Variants in CNBD2 observed in about 807,000 individuals in gnomAD.
CNBD2 encodes cyclic nucleotide-binding domain-containing protein 2.
In CNBD2, 64 loss-of-function variants were observed where a neutral mutation model predicts 63.7. That is an observed-to-expected ratio of 1.00 (90% CI 0.82 to 1.24). The LOEUF is 1.24. Among genes scored for constraint, CNBD2 ranks in the 50% most tolerant of loss-of-function variants. The pLI is 0.00. For missense variants in CNBD2, 691 were observed against 713.5 expected, an observed-to-expected ratio of 0.97 and a Z score of 0.36; for synonymous variants, 229 against 255.4, an observed-to-expected ratio of 0.90 and a Z score of 0.99.
At chr20:36,003,973 C>T (rs1251855549) in intron 8 of CNBD2, among the ~76,000 whole-genome samples, 1 of 152,124 alleles carries the variant, frequency 6.6e-6, no homozygotes, top group Non-Finnish European at 1.5e-5. Flanking sequence ...GGCTAACTCA[C>T]GTGGCTATTG....
intron 8 of CNBD2, among the ~76,000 whole-genome samples, chr20:35,999,849 G>T (rs2147287964): frequency 6.6e-6 from 1 of 151,716 alleles, no homozygotes; most frequent in South Asian, 2.1e-4. Context: ...AGCTAATTTT[G>T]TGTATTTTTA....
intron 7 of CNBD2, among the ~76,000 whole-genome samples, chr20:35,989,224 T>C (rs2056709457): frequency 6.6e-6 from 1 of 152,236 alleles, no homozygotes; most frequent in Admixed American, 6.5e-5. Flanking sequence ...AAAGATATTT[T>C]CAAGAACTTG....
chr20:36,001,981 T>G (rs1461925164), intron 8 of CNBD2, among the ~76,000 whole-genome samples: 1 of 148,698 alleles, frequency 6.7e-6, no homozygotes, highest in South Asian at 2.2e-4. Context: ...CGCTCCTCAC[T>G]TCCCAGACGG....
intron 8 of CNBD2, among the ~76,000 whole-genome samples, chr20:36,002,243 G>C (rs1311989879): frequency 6.6e-6 from 1 of 151,964 alleles, no homozygotes; most frequent in Non-Finnish European, 1.5e-5. Flanking sequence ...AAAAAAATAC[G>C]AAAACCAGTC....
chr20:35,966,170 G>C (rs1401686437), upstream of CNBD2, among the ~76,000 whole-genome samples: 1 of 152,132 alleles, frequency 6.6e-6, no homozygotes, highest in African/African-American at 2.4e-5. Flanking sequence ...AGTGGGGGAG[G>C]CAAAAACTCC....
Position 35,968,775 on chromosome 20 carries a change from A to T in CNBD2, c.13A>T (p.Met5Leu), listed in dbSNP as rs780350079. The T allele has an allele frequency of 3.8e-5, 61 of 1,608,992 alleles. No homozygotes were observed. The East Asian group carries it at 1.3e-3, about 34-fold the overall frequency. The change falls in exon 1 of 12, where the codon ATG becomes TTG. Residue 5 changes from methionine to leucine, a missense_variant. Coordinates refer to ENST00000373973, the MANE Select transcript of CNBD2 (RefSeq NM_001365709.1). ...CTGCACAGGAACCATGAGGAGACAT[A>T]TGGTAACTTATGCCTGGCAGCTCCT... MRRH[M>L]VTYAWQLLKK...
chr20:36,016,080 G>A (rs891800556), intron 10 of CNBD2, among the ~76,000 whole-genome samples: 1 of 152,108 alleles, frequency 6.6e-6, no homozygotes, highest in African/African-American at 2.4e-5. Flanking sequence ...TAACCTCTGT[G>A]GCCATCCTCT....
rs573844492 is a variant in CNBD2, at chr20:36,009,264, C to T, written c.1148+790C>T. 1.2e-3 allele frequency among the ~76,000 whole-genome samples: 174 copies of T among 151,212 alleles called. 3 individuals carry two copies. Among genetic ancestry groups the T allele is most frequent in the South Asian group, 1.3e-3 (6 of 4,772 alleles). On this transcript the variant is annotated intron_variant, in intron 9 of 11. Transcript: ENST00000373973. ...TTGCCCAGGCTGGAGTGCAGTGGCG[C>T]GATCTCTGCTCACTGTAAGCTCCGC...
chr20:35,971,048 C>T (rs998309914), intron 1 of CNBD2, among the ~76,000 whole-genome samples: 2 of 146,738 alleles, frequency 1.4e-5, no homozygotes, highest in African/African-American at 2.5e-5. Context: ...CCCGGGTTCA[C>T]GCCATTCTCC....
At chr20:35,954,679 T>TC (rs2056232636), upstream of CNBD2, 7 of 1,195,830 alleles carry the variant, frequency 5.9e-6, no homozygotes, top group Non-Finnish European at 7.6e-6. Context: ...CGAGGAGGAG[T>TC]CGGAGGAGGA....
chr20:35,996,921 A>T (rs551140113), intron 8 of CNBD2, among the ~76,000 whole-genome samples: 2 of 152,226 alleles, frequency 1.3e-5, no homozygotes, highest in South Asian at 4.1e-4. Flanking sequence ...CCCAGGCACA[A>T]CTGGTTCCAA....
At chr20:36,007,136 C>T (rs111832519) in intron 8 of CNBD2, among the ~76,000 whole-genome samples, 6,065 of 152,056 alleles carry the variant, frequency 0.04, 261 homozygotes, top group African/African-American at 0.11. Context: ...TTGCAGTGAG[C>T]AGAGATCGCA....
rs911689161 is a variant in CNBD2 at position 36,008,316 on chromosome 20, A to G, written c.990A>G (p.Arg330=). The part of the protein sequence containing the change: ...THLSEYSPME[R]FKEFQIKSYP... ...TAACAGAATACTCTCCTATGGAAAG[A>G]TTTAAGGAATTCCAGATCAAATCAT... The change falls in exon 9 of 12, where the codon AGA becomes AGG. Residue 330 remains arginine, a synonymous_variant. Coordinates refer to ENST00000373973, the MANE Select transcript of CNBD2 (RefSeq NM_001365709.1). 1 of 1,611,614 alleles carries G rather than the reference A, an allele frequency of 6.2e-7. No homozygotes were observed. The highest frequency in any genetic ancestry group is 1.3e-5 in the African/African-American group (1 of 74,638).
chr20:36,014,314 G>T (rs2057105599), intron 10 of CNBD2, among the ~76,000 whole-genome samples: 1 of 151,306 alleles, frequency 6.6e-6, no homozygotes, highest in Non-Finnish European at 1.5e-5. Context: ...ATCTTGGTTG[G>T]TTTCTTTTCT....
intron 2 of CNBD2, among the ~76,000 whole-genome samples, chr20:35,963,315 T>G (rs1047057008): frequency 2.0e-5 from 3 of 149,836 alleles, no homozygotes; most frequent in African/African-American, 7.4e-5. Flanking sequence ...CACTCTGGCC[T>G]AGGGCATAGA....
chr20:36,027,272 G>A (rs2057293255), intron 11 of CNBD2, among the ~76,000 whole-genome samples: 1 of 152,170 alleles, frequency 6.6e-6, no homozygotes, highest in African/African-American at 2.4e-5. Flanking sequence ...GATTCCAATG[G>A]TAGAGAAAGG....
intron 8 of CNBD2, among the ~76,000 whole-genome samples, chr20:36,003,945 G>T (rs1310167185): frequency 5.9e-5 from 9 of 152,066 alleles, no homozygotes; most frequent in Non-Finnish European, 1.3e-4. Flanking sequence ...AGGCTCATCT[G>T]GGAGGGACCT....
At chr20:35,998,407 G>A (rs1030997529) in intron 8 of CNBD2, among the ~76,000 whole-genome samples, 31 of 152,028 alleles carry the variant, frequency 2.0e-4, no homozygotes, top group African/African-American at 7.5e-4. Context: ...ATTAAAACTT[G>A]TTTTATGGTC....
intron 1 of CNBD2, 87 bp downstream of exon 1, chr20:35,968,900 G>C: frequency 3.0e-6 from 3 of 1,003,796 alleles, no homozygotes; most frequent in Non-Finnish European, 4.6e-6. Context: ...GTGTAGGAGG[G>C]GTCTTGGATG....
Sources: allele counts gnomAD v4.1 joint callset (sites outside exome capture counted in the v4.1 genomes callset), GRCh38; gene constraint gnomAD v4.1.1; transcripts MANE v1.5; gene names NCBI Gene and HGNC (gene_info 2026-07-23, HGNC 2026-07-21).